Variants in VPS41 observed in about 807,000 individuals in gnomAD.
The protein encoded by VPS41 is vacuolar protein sorting-associated protein 41 homolog.
Under a neutral mutation model 130.9 loss-of-function variants are expected in VPS41, and 85 were observed. That is an observed-to-expected ratio of 0.65 (90% CI 0.55 to 0.78). The LOEUF (loss-of-function observed/expected upper bound fraction) is 0.78, where lower values mean the gene tolerates loss of function less well. Ranked by LOEUF, VPS41 falls within the 30% of genes least tolerant of loss-of-function variation. The probability of loss-of-function intolerance (pLI) is 0.00; values close to 1 mark genes in which losing one functional copy is unlikely to be tolerated. For missense variants in VPS41, 874 were observed against 1,018.7 expected (o/e 0.86, Z 1.93); for synonymous variants, 335 against 332.9 (o/e 1.01, Z -0.07).
chr7:38,724,125 C>A lies in VPS41; in HGVS notation c.*2121G>T, dbSNP rs890615046. 1 of 152,140 alleles carries A rather than the reference C, an allele frequency of 6.6e-6. No homozygotes were observed. Among genetic ancestry groups the A allele is most frequent in the Non-Finnish European group, 1.5e-5 (1 of 68,022 alleles). 9.4% of individuals were successfully genotyped at this position (152,140 alleles called of 1,614,324 possible). A position where few individuals can be genotyped will look rare whatever the true frequency, so the allele number is the denominator to read the frequency against. On this transcript the variant is annotated 3_prime_UTR_variant, in exon 29 of 29. Coordinates refer to ENST00000310301, the MANE Select transcript of VPS41 (RefSeq NM_014396.4). ...TAAATCAGTTACTTAAAAATGAAGA[C>A]TGTTTAATTATTTTCTCCTTTTCTA...
At chr7:38,798,725 G>A (rs920286930) in intron 7 of VPS41, among the ~76,000 whole-genome samples, 2 of 152,122 alleles carry the variant, frequency 1.3e-5, no homozygotes, top group African/African-American at 2.4e-5. Flanking sequence ...TGGAATGAAG[G>A]GTTGGCAGGA....
intron 7 of VPS41, among the ~76,000 whole-genome samples, chr7:38,805,571 G>GAAA (rs34156510): frequency 4.2e-5 from 6 of 143,838 alleles, no homozygotes; most frequent in Non-Finnish European, 9.2e-5. Context: ...CCCAAAAGTT[G>GAAA]AAAAAAAAAA....
intron 2 of VPS41, among the ~76,000 whole-genome samples, chr7:38,896,553 A>T (rs1377970212): frequency 1.3e-5 from 2 of 152,034 alleles, no homozygotes; most frequent in African/African-American, 4.8e-5. Flanking sequence ...TTCTGCTGCA[A>T]TTTTTTTTAG....
intron 2 of VPS41, among the ~76,000 whole-genome samples, chr7:38,870,775 CAG>C (rs1786339052): frequency 1.4e-5 from 1 of 71,540 alleles, no homozygotes; most frequent in Non-Finnish European, 2.7e-5. Context: ...CAGAAAAAGA[CAG>C]AAAGCTGATG....
At position 38,754,959 on chromosome 7, in the gene VPS41, C is replaced by T. The variant is rs372076420; in HGVS notation, c.1696-23G>A. 4 of 1,611,108 alleles carry T rather than the reference C, an allele frequency of 2.5e-6. No homozygotes were observed. In the African/African-American group the frequency reaches 5.3e-5, roughly 22 times the overall value. On this transcript the variant is annotated intron_variant, in intron 19 of 28. Transcript: ENST00000310301. ...TTTCTGAAACATATAAGAAAAGCCA[C>T]AGTCAATGAAATCCGTTATTTAAGA...
intron 4 of VPS41, among the ~76,000 whole-genome samples, chr7:38,833,058 G>C (rs1468637446): frequency 6.6e-6 from 1 of 152,074 alleles, no homozygotes; most frequent in Non-Finnish European, 1.5e-5. Context: ...TAGTTGATCT[G>C]GGTAAAAACT....
intron 5 of VPS41, among the ~76,000 whole-genome samples, chr7:38,827,867 C>T (rs182686520): frequency 6.6e-6 from 1 of 152,168 alleles, no homozygotes; most frequent in East Asian, 1.9e-4. Flanking sequence ...ACTGACGGTA[C>T]TCCAGAAAAA....
At chr7:38,740,185 T>C (rs972127055) in intron 25 of VPS41, among the ~76,000 whole-genome samples, 1 of 152,158 alleles carries the variant, frequency 6.6e-6, no homozygotes, top group African/African-American at 2.4e-5. Flanking sequence ...CTACTTCCCT[T>C]GGGGGAGGGT....
chr7:38,736,605 G>T (rs1478811255), intron 25 of VPS41, among the ~76,000 whole-genome samples: 1 of 152,230 alleles, frequency 6.6e-6, no homozygotes, highest in Non-Finnish European at 1.5e-5. Flanking sequence ...TGCATCTCCA[G>T]AGACCAAATG....
chr7:38,894,453 T>G (rs903569338), intron 2 of VPS41, among the ~76,000 whole-genome samples: 2 of 149,056 alleles, frequency 1.3e-5, no homozygotes, highest in South Asian at 2.2e-4. Context: ...GAGGCTAGGG[T>G]TGGGGGGAAG....
At chr7:38,745,415 T>C in intron 23 of VPS41, 144 bp downstream of exon 23, 1 of 682,170 alleles carries the variant, frequency 1.5e-6, no homozygotes, top group South Asian at 1.7e-5. Context: ...GTGAAGTCTG[T>C]TTCATATATT....
intron 7 of VPS41, among the ~76,000 whole-genome samples, chr7:38,808,051 A>T (rs987858694): frequency 1.3e-5 from 2 of 152,180 alleles, no homozygotes; most frequent in Non-Finnish European, 2.9e-5. Flanking sequence ...CTCATTAAAG[A>T]AAAAAGTATA....
intron 7 of VPS41, among the ~76,000 whole-genome samples, chr7:38,817,329 C>T (rs912192613): frequency 1.3e-4 from 20 of 152,136 alleles, no homozygotes; most frequent in Non-Finnish European, 2.4e-4. Flanking sequence ...AGAGGCTGGG[C>T]GCAGTGGCTC....
chr7:38,846,321 G>C (rs749668977), intron 4 of VPS41, among the ~76,000 whole-genome samples: 22 of 152,168 alleles, frequency 1.4e-4, no homozygotes, highest in Non-Finnish European at 7.3e-5. Flanking sequence ...AATATCCCTA[G>C]CACATCCTTT....
chr7:38,887,893 G>C (rs1786769879), intron 2 of VPS41, among the ~76,000 whole-genome samples: 1 of 152,156 alleles, frequency 6.6e-6, no homozygotes, highest in Admixed American at 6.5e-5. Flanking sequence ...TTAAAGAAAA[G>C]AATTTTCAAC....
Position 38,888,003 on chromosome 7 carries a change from C to A in VPS41, c.60+10088G>T, listed in dbSNP as rs1040634455. Among the ~76,000 whole-genome samples the A allele has an allele frequency of 2.0e-5, 3 of 152,164 alleles. No individual in the cohort carries two copies. In the South Asian group the frequency reaches 6.2e-4, roughly 31 times the overall value. ...CTGAGAGATTTCATCACCATCAGGC[C>A]TGCATTACAAGAGCTCCTGAAGGAA... On this transcript the variant is annotated intron_variant, in intron 2 of 28. Transcript: ENST00000310301.
At chr7:38,880,969 G>T (rs1425261576) in intron 2 of VPS41, among the ~76,000 whole-genome samples, 1 of 152,186 alleles carries the variant, frequency 6.6e-6, no homozygotes, top group African/African-American at 2.4e-5. Flanking sequence ...CTTGCTGGAT[G>T]TATTTGACTT....
chr7:38,771,051 A>C, intron 14 of VPS41, 147 bp downstream of exon 14: 1 of 654,362 alleles, frequency 1.5e-6, no homozygotes, highest in South Asian at 1.9e-5. Flanking sequence ...TGATTTGATA[A>C]AATATTTTGA....
intron 10 of VPS41, among the ~76,000 whole-genome samples, chr7:38,785,097 C>G (rs1340122557): frequency 6.6e-6 from 1 of 152,040 alleles, no homozygotes; most frequent in East Asian, 1.9e-4. Flanking sequence ...GTGTCTTATT[C>G]CCAAGAGATT....
Sources: allele counts gnomAD v4.1 joint callset (sites outside exome capture counted in the v4.1 genomes callset), GRCh38; gene constraint gnomAD v4.1.1; transcripts MANE v1.5; gene names NCBI Gene and HGNC (gene_info 2026-07-23, HGNC 2026-07-21).